The following NPAS3 variants were observed in gnomAD, a reference collection of about 807,000 sequenced individuals.
NPAS3 encodes neuronal PAS domain-containing protein 3.
Under a neutral mutation model 73.1 loss-of-function variants are expected in NPAS3, and 14 were observed. The ratio of observed to expected loss-of-function variants is 0.19; its 90% CI spans 0.13 to 0.30. The LOEUF (loss-of-function observed/expected upper bound fraction) is 0.30, where lower values mean the gene tolerates loss of function less well. NPAS3 is among the 10% of genes least tolerant of loss of function. NPAS3 has a pLI of 1.00. For missense variants in NPAS3, 1,096 were observed against 1,250.0 expected (o/e 0.88, Z 1.86); for synonymous variants, 620 against 541.5 (o/e 1.14, Z -2.01).
intron 2 of NPAS3, among the ~76,000 whole-genome samples, chr14:33,209,725 C>G (rs1165564894): frequency 1.3e-5 from 2 of 152,148 alleles, no homozygotes; most frequent in African/African-American, 4.8e-5. Flanking sequence ...TGTCTGGCTC[C>G]TTAGAAGTAC....
intron 1 of NPAS3, among the ~76,000 whole-genome samples, chr14:33,035,661 A>G (rs1271817583): frequency 6.6e-6 from 1 of 152,204 alleles, no homozygotes; most frequent in African/African-American, 2.4e-5. Context: ...AGCATTTTCC[A>G]ATTACTTTGC....
At chr14:33,132,517 A>G (rs2043678648) in intron 2 of NPAS3, among the ~76,000 whole-genome samples, 1 of 152,124 alleles carries the variant, frequency 6.6e-6, no homozygotes, top group African/African-American at 2.4e-5. Flanking sequence ...AGAGATGGAA[A>G]TTGAGATTGA....
chr14:33,413,905 C>T (rs1040470335), intron 4 of NPAS3, among the ~76,000 whole-genome samples: 2 of 152,028 alleles, frequency 1.3e-5, no homozygotes, highest in Non-Finnish European at 2.9e-5. Flanking sequence ...CCATCACATT[C>T]CAACCTCTTT....
chr14:33,561,261 T>G (rs1405321171), intron 5 of NPAS3, among the ~76,000 whole-genome samples: 1 of 152,236 alleles, frequency 6.6e-6, no homozygotes, highest in African/African-American at 2.4e-5. Flanking sequence ...CTGGACTCTT[T>G]TGGCTGTGAG....
intron 6 of NPAS3, among the ~76,000 whole-genome samples, chr14:33,728,076 T>A (rs1235597559): frequency 2.0e-5 from 3 of 152,170 alleles, no homozygotes; most frequent in Admixed American, 6.6e-5. Flanking sequence ...CTGTGTATAT[T>A]TCCCCAGAGT....
chr14:33,500,340 G>A (rs1185268215), intron 4 of NPAS3, among the ~76,000 whole-genome samples: 1 of 151,854 alleles, frequency 6.6e-6, no homozygotes, highest in Non-Finnish European at 1.5e-5. Context: ...ATTTCTCTCT[G>A]GGGTGTCTTT....
At chr14:33,409,015 T>C (rs572842077) in intron 4 of NPAS3, among the ~76,000 whole-genome samples, 2 of 152,322 alleles carry the variant, frequency 1.3e-5, no homozygotes, top group East Asian at 1.9e-4. Flanking sequence ...TGTTATGAAG[T>C]ATAACACTTC....
chr14:33,217,268 T>C (rs529007525), intron 3 of NPAS3, among the ~76,000 whole-genome samples: 16 of 152,144 alleles, frequency 1.1e-4, no homozygotes, highest in Non-Finnish European at 1.6e-4. Flanking sequence ...GGATTATTAA[T>C]GCAATTAGAG....
chr14:33,657,475 G>A (rs1823108064), intron 5 of NPAS3, among the ~76,000 whole-genome samples: 1 of 152,226 alleles, frequency 6.6e-6, no homozygotes, highest in Non-Finnish European at 1.5e-5. Context: ...AGTAGAAAGT[G>A]TAGTTTCTTA....
intron 3 of NPAS3, among the ~76,000 whole-genome samples, chr14:33,233,605 A>G (rs2047930590): frequency 6.6e-6 from 1 of 152,176 alleles, no homozygotes; most frequent in Non-Finnish European, 1.5e-5. Flanking sequence ...ATAAATAAAC[A>G]TACTGAGTTA....
intron 7 of NPAS3, among the ~76,000 whole-genome samples, chr14:33,761,649 A>G (rs1293801806): frequency 1.3e-5 from 2 of 152,206 alleles, no homozygotes; most frequent in Admixed American, 1.3e-4. Flanking sequence ...ATAAATTTGA[A>G]ATGTGGATGG....
At chr14:33,625,752 C>CAGAT (rs1218679666) in intron 5 of NPAS3, among the ~76,000 whole-genome samples, 1 of 152,012 alleles carries the variant, frequency 6.6e-6, no homozygotes, top group Non-Finnish European at 1.5e-5. Flanking sequence ...GTTAGGGGAC[C>CAGAT]AGATATTAAC....
intron 2 of NPAS3, among the ~76,000 whole-genome samples, chr14:33,196,581 G>C (rs28552425): frequency 6.6e-6 from 1 of 151,926 alleles, no homozygotes; most frequent in Non-Finnish European, 1.5e-5. Flanking sequence ...CCTCCTCACC[G>C]AAATCTCCGC....
intron 4 of NPAS3, among the ~76,000 whole-genome samples, chr14:33,501,561 A>G (rs2139916653): frequency 6.6e-6 from 1 of 151,684 alleles, no homozygotes; most frequent in East Asian, 2.0e-4. Context: ...CTCATCAGAT[A>G]TTTTGAATAG....
At chr14:33,283,554 C>A (rs1419691645) in intron 3 of NPAS3, among the ~76,000 whole-genome samples, 1 of 152,188 alleles carries the variant, frequency 6.6e-6, no homozygotes, top group Non-Finnish European at 1.5e-5. Context: ...AATCATCTGA[C>A]CACATTTTCT....
chr14:33,758,492 G>C (rs141495681), intron 7 of NPAS3, among the ~76,000 whole-genome samples: 3 of 152,166 alleles, frequency 2.0e-5, no homozygotes, highest in Admixed American at 6.5e-5. Flanking sequence ...GTAGCAGAGC[G>C]TTGACTCCTA....
At chr14:33,713,215 G>A (rs571931511) in intron 6 of NPAS3, among the ~76,000 whole-genome samples, 1 of 152,188 alleles carries the variant, frequency 6.6e-6, no homozygotes, top group East Asian at 1.9e-4. Flanking sequence ...AGTAAGTCGA[G>A]AGCAAGTACA....
intron 5 of NPAS3, among the ~76,000 whole-genome samples, chr14:33,574,229 C>G (rs1043293475): frequency 6.6e-5 from 10 of 152,046 alleles, no homozygotes; most frequent in African/African-American, 2.4e-4. Flanking sequence ...TCTCAGTTTA[C>G]TGACAGGCAG....
intron 3 of NPAS3, among the ~76,000 whole-genome samples, chr14:33,268,412 T>C (rs932293649): frequency 7.9e-5 from 12 of 152,298 alleles, no homozygotes; most frequent in Admixed American, 2.6e-4. Context: ...AATTATCAAG[T>C]CTTTGAGGTG....
Sources: allele counts gnomAD v4.1 joint callset (sites outside exome capture counted in the v4.1 genomes callset), GRCh38; gene constraint gnomAD v4.1.1; transcripts MANE v1.5; gene names NCBI Gene and HGNC (gene_info 2026-07-23, HGNC 2026-07-21).